ANKUB1: variants seen among roughly 807,000 people sequenced by gnomAD.
ANKUB1 encodes ankyrin repeat and ubiquitin domain containing 1, also known as protein ANKUB1.
A neutral mutation model predicts 49.3 loss-of-function variants in ANKUB1; 42 were observed. The observed-to-expected ratio is 0.85, with a 90% CI of 0.67 to 1.10. The LOEUF (loss-of-function observed/expected upper bound fraction) is 1.10, where lower values mean the gene tolerates loss of function less well. ANKUB1 is among the 50% of genes least tolerant of loss of function. ANKUB1 has a pLI of 0.00. For missense variants in ANKUB1, 613 were observed against 642.0 expected (o/e 0.95, Z 0.49); for synonymous variants, 222 against 231.0 (o/e 0.96, Z 0.35).
At chr3:149,771,998 T>C (rs1014141579) in intron 3 of ANKUB1, among the ~76,000 whole-genome samples, 1 of 151,888 alleles carries the variant, frequency 6.6e-6, no homozygotes, top group African/African-American at 2.4e-5. Flanking sequence ...CTAAGCCATA[T>C]ATTAGAGAGT....
chr3:149,790,868 T>G lies in ANKUB1; in HGVS notation c.147A>C (p.Leu49Phe). Residue 49 changes from leucine (L) to phenylalanine (F), a missense_variant, in exon 2 of 6, where the codon TTA becomes TTC. By Grantham distance (22) the Leu-to-Phe change is conservative. Coordinates refer to ENST00000446160, the MANE Select transcript of ANKUB1 (RefSeq NM_001144960.3). Reference protein sequence around the residue: ...EDKQGRRYLELMYAGAALKDS... With the variant: ...EDKQGRRYLEFMYAGAALKDS... ...CCTTTAGAGCAGCTCCAGCATACAT[T>G]AACTCCAGATACCGCCTGCCTTGTT... The G allele has an allele frequency of 1.3e-6, 2 of 1,552,156 alleles. No individual in the cohort carries two copies. Among genetic ancestry groups the G allele is most frequent in the Non-Finnish European group, 1.7e-6 (2 of 1,147,054 alleles).
chr3:149,767,301 A>G lies in ANKUB1; in HGVS notation c.1361T>C (p.Val454Ala). The G allele has an allele frequency of 6.4e-7, 1 of 1,551,564 alleles. No individual in the cohort carries two copies. Among genetic ancestry groups the G allele is most frequent in the Non-Finnish European group, 8.7e-7 (1 of 1,146,964 alleles). Residue 454 changes from valine to alanine, a missense_variant, in exon 5 of 6, where the codon GTT becomes GCT. Transcript: ENST00000446160. Reference protein sequence around the residue: ...TYLPQVPLPPVSRVGYSHPSF... With the variant: ...TYLPQVPLPPASRVGYSHPSF... ...TGGATGTGAATATCCCACTCTTGAA[A>G]CTGGAGGGAGGGGGACTTGGGGAAG...
intron 4 of ANKUB1, 88 bp from the exon 5 acceptor site, chr3:149,768,183 T>C: frequency 2.2e-6 from 2 of 924,874 alleles, no homozygotes; most frequent in Non-Finnish European, 3.0e-6. Context: ...TGAAATATTC[T>C]AGTTGAATGT....
chr3:149,776,796 A>T (rs569017522), intron 3 of ANKUB1, among the ~76,000 whole-genome samples: 1 of 129,634 alleles, frequency 7.7e-6, no homozygotes. Flanking sequence ...CCCTGTCTCT[A>T]TAAAAAATAC....
intron 2 of ANKUB1, among the ~76,000 whole-genome samples, chr3:149,785,180 T>C (rs1036274471): frequency 2.6e-5 from 4 of 152,174 alleles, no homozygotes; most frequent in Non-Finnish European, 5.9e-5. Context: ...TGGAGGTATA[T>C]ACCATAGAAA....
At chr3:149,775,904 C>CGT (rs372913663) in intron 3 of ANKUB1, among the ~76,000 whole-genome samples, 3,831 of 150,242 alleles carry the variant, frequency 0.025, 67 homozygotes, top group Non-Finnish European at 0.035. Context: ...TGTGTGTGTG[C>CGT]GTGTGTGTGT....
At chr3:149,779,098 T>C (rs1040499336) in intron 3 of ANKUB1, 7 of 152,154 alleles carry the variant, frequency 4.6e-5, no homozygotes, top group African/African-American at 7.2e-5. Flanking sequence ...TTTTTTAGTA[T>C]GCTTAAAACA....
intron 2 of ANKUB1, chr3:149,783,496 A>G (rs531824522): frequency 1.3e-5 from 2 of 152,256 alleles, no homozygotes; most frequent in Non-Finnish European, 2.9e-5. Flanking sequence ...GAATAATTCC[A>G]TGCTTACCTT....
intron 2 of ANKUB1, among the ~76,000 whole-genome samples, chr3:149,785,029 G>A (rs1227704234): frequency 2.6e-5 from 4 of 151,964 alleles, no homozygotes; most frequent in Admixed American, 1.3e-4. Flanking sequence ...AAAATGAAGG[G>A]GGCAAAAGTG....
At chr3:149,775,591 G>C (rs905130028) in intron 3 of ANKUB1, among the ~76,000 whole-genome samples, 1 of 152,066 alleles carries the variant, frequency 6.6e-6, no homozygotes, top group African/African-American at 2.4e-5. Context: ...TCCTGGAATG[G>C]TTTCTCAGGT....
At chr3:149,790,690 T>C in intron 2 of ANKUB1, 91 bp downstream of exon 2, 1 of 1,294,334 alleles carries the variant, frequency 7.7e-7, no homozygotes, top group Non-Finnish European at 1.0e-6. Context: ...CAATTTCTTT[T>C]TAAGTTATGG....
At chr3:149,767,095 C>T (rs971512844) in intron 5 of ANKUB1, 62 bp downstream of exon 5, 1 of 1,403,190 alleles carries the variant, frequency 7.1e-7, no homozygotes, top group East Asian at 2.5e-5. Context: ...ATGGACCATT[C>T]CTTATCCTGG....
At chr3:149,775,922 T>G (rs1285672292) in intron 3 of ANKUB1, among the ~76,000 whole-genome samples, 2 of 151,854 alleles carry the variant, frequency 1.3e-5, no homozygotes, top group African/African-American at 4.8e-5. Context: ...TGTGTGTGCA[T>G]GTATATGTAT....
chr3:149,779,910 C>T (rs61734227), intron 3 of ANKUB1: 1 of 291,326 alleles, frequency 3.4e-6, no homozygotes, highest in East Asian at 7.6e-5. Context: ...CAGAGGTTTC[C>T]ATTTAGAAAT....
chr3:149,785,425 G>A (rs145459634), intron 2 of ANKUB1, among the ~76,000 whole-genome samples: 2,553 of 144,788 alleles, frequency 0.018, 84 homozygotes, highest in African/African-American at 0.062. Context: ...CCAACCCCAC[G>A]ACAGGCCGCA....
chr3:149,776,360 C>G (rs1420576787), intron 3 of ANKUB1, among the ~76,000 whole-genome samples: 1 of 152,152 alleles, frequency 6.6e-6, no homozygotes, highest in East Asian at 1.9e-4. Context: ...AGACATTCCT[C>G]TCTATATTTA....
intron 4 of ANKUB1, among the ~76,000 whole-genome samples, chr3:149,768,543 C>T (rs1352089826): frequency 6.7e-6 from 1 of 149,322 alleles, no homozygotes; most frequent in Non-Finnish European, 1.5e-5. Flanking sequence ...AGGTTTTCTT[C>T]CTCCATCCCC....
intron 2 of ANKUB1, among the ~76,000 whole-genome samples, chr3:149,790,229 G>GT (rs1334138273): frequency 2.0e-5 from 3 of 152,114 alleles, no homozygotes; most frequent in African/African-American, 2.4e-5. Context: ...CAATTTTAGG[G>GT]TTTTTTAAGG....
chr3:149,769,723 G>T (rs542671346), intron 4 of ANKUB1, among the ~76,000 whole-genome samples: 23 of 152,070 alleles, frequency 1.5e-4, no homozygotes, highest in Non-Finnish European at 3.4e-4. Context: ...TTGTTTTATG[G>T]GCACTGGAAG....
Sources: gnomAD v4.1 joint callset for allele counts (sites outside exome capture counted in the v4.1 genomes callset) on GRCh38, gnomAD v4.1.1 for gene constraint, MANE v1.5 for transcripts, NCBI Gene and HGNC (gene_info 2026-07-23, HGNC 2026-07-21) for gene names.